The following TEX52 variants were observed in gnomAD, a reference collection of about 807,000 sequenced individuals.
TEX52 encodes testis-expressed protein 52.
In TEX52, 22 loss-of-function variants were observed where a neutral mutation model predicts 17.6. That is an observed-to-expected ratio of 1.25 (90% confidence interval 0.89 to 1.78). TEX52 has a LOEUF of 1.78. Ranked by LOEUF, TEX52 falls within the 40% of genes most tolerant of loss-of-function variation. The probability of loss-of-function intolerance (pLI) is 0.00; values close to 1 mark genes in which losing one functional copy is unlikely to be tolerated. For synonymous variants in TEX52, 168 were observed against 147.4 expected (o/e 1.14, Z -1.01); for missense variants, 396 against 372.3 (o/e 1.06, Z -0.52).
chr12:2,851,672 A>T (rs971485446), intron 2 of TEX52, among the ~76,000 whole-genome samples: 61 of 143,790 alleles, frequency 4.2e-4, no homozygotes, highest in African/African-American at 1.7e-3. Context: ...AATTTTATTT[A>T]TTTTTTTTAT....
Position 2,854,977 on chromosome 12 carries a change from T to A in TEX52, c.542A>T (p.Glu181Val). The A allele has an allele frequency of 6.5e-7, 1 of 1,536,256 alleles. No homozygotes were observed. Among genetic ancestry groups the A allele is most frequent in the Non-Finnish European group, 8.7e-7 (1 of 1,146,934 alleles). ...TGCCTCACTCCTCAACTTGAGCTTC[T>A]CCACCTCCTTCAACTCCTTCACTGT... ...FRTVKELKEV[E>V]KLKLRSEARA... The change falls in exon 2 of 3, where the codon GAG becomes GTG. Residue 181 changes from glutamate to valine, a missense_variant. Coordinates refer to ENST00000637658, the MANE Select transcript of TEX52 (RefSeq NM_001365174.2).
intron 1 of TEX52, among the ~76,000 whole-genome samples, chr12:2,856,341 G>A (rs1175921787): frequency 6.6e-6 from 1 of 152,110 alleles, no homozygotes; most frequent in Non-Finnish European, 1.5e-5. Context: ...CTTTTAAAAT[G>A]CTTCGCCCTC....
At chr12:2,855,585 G>A (rs2098084744) in intron 1 of TEX52, 139 bp from the exon 2 acceptor site, 2 of 572,126 alleles carry the variant, frequency 3.5e-6, no homozygotes, top group Non-Finnish European at 2.8e-6. Context: ...GTCCTGGCAG[G>A]GCCGCATCTC....
chr12:2,854,126 A>G (rs1490301281), intron 2 of TEX52, among the ~76,000 whole-genome samples: 2 of 152,218 alleles, frequency 1.3e-5, no homozygotes, highest in Non-Finnish European at 2.9e-5. Context: ...CCCAGGTTCA[A>G]GTGATTCTCC....
chr12:2,852,521 C>T (rs1010244168), intron 2 of TEX52, among the ~76,000 whole-genome samples: 2 of 152,162 alleles, frequency 1.3e-5, no homozygotes, highest in African/African-American at 4.8e-5. Flanking sequence ...CATGTGCCAC[C>T]ATGCCTGGCT....
Position 2,855,162 on chromosome 12 carries a change from A to T in TEX52, c.357T>A (p.Asn119Lys). The change falls in exon 2 of 3, where the codon AAT becomes AAA. Residue 119 changes from asparagine to lysine, a missense_variant. Transcript: ENST00000637658. Reference sequence around the variant, plus strand: ...TGGAGTCGGTCAGCCAGCGCCAGACATTGCTATCGTAGGGCCTGTCAGGCT... The same window carrying T: ...TGGAGTCGGTCAGCCAGCGCCAGACTTTGCTATCGTAGGGCCTGTCAGGCT... The part of the protein sequence containing the change: ...PTQPDRPYDS[N>K]VWRWLTDSNA... The T allele has an allele frequency of 1.3e-6, 2 of 1,523,126 alleles. No individual in the cohort carries two copies. The highest frequency in any genetic ancestry group is 1.8e-6 in the Non-Finnish European group (2 of 1,138,940). The allele number at this position is 1,523,126 out of a possible 1,614,324, so 94.4% of individuals were successfully genotyped here.
intron 2 of TEX52, among the ~76,000 whole-genome samples, chr12:2,851,333 G>T (rs1400829868): frequency 6.6e-6 from 1 of 152,042 alleles, no homozygotes; most frequent in East Asian, 1.9e-4. Flanking sequence ...ACATGATTTG[G>T]TGACACTAAA....
chr12:2,849,163 G>A lies in TEX52; in HGVS notation c.*68C>T. The A allele has an allele frequency of 6.9e-7, 1 of 1,444,492 alleles. No homozygotes were observed. The highest frequency in any genetic ancestry group is 9.1e-7 in the Non-Finnish European group (1 of 1,096,320). The allele number at this position is 1,444,492 out of a possible 1,614,324, so 89.5% of individuals were successfully genotyped here. ...TGCTACCCCAGGGCCTCTTGCTGAA[G>A]GAGCATTGATTGAGAACACTGGAGC... is the stretch of plus-strand genomic sequence containing the variant. On this transcript the variant is annotated 3_prime_UTR_variant, in exon 3 of 3. Transcript: ENST00000637658.
chr12:2,852,096 A>G (rs1435559011), intron 2 of TEX52, among the ~76,000 whole-genome samples: 2 of 152,132 alleles, frequency 1.3e-5, no homozygotes, highest in African/African-American at 4.8e-5. Flanking sequence ...GCTGTGGTAT[A>G]TGTGGTCTGT....
At chr12:2,848,071 A>G (rs763650587), downstream of TEX52, among the ~76,000 whole-genome samples, 1 of 152,232 alleles carries the variant, frequency 6.6e-6, no homozygotes, top group East Asian at 1.9e-4. Flanking sequence ...CAGGTGAGGA[A>G]CCTGAAAGCC....
intron 2 of TEX52, among the ~76,000 whole-genome samples, chr12:2,851,925 C>T (rs949009097): frequency 1.2e-4 from 18 of 151,316 alleles, no homozygotes; most frequent in East Asian, 3.9e-4. Flanking sequence ...GTGATCTGCC[C>T]GCCTCAACCT....
intron 1 of TEX52, among the ~76,000 whole-genome samples, chr12:2,856,473 C>G (rs2098087697): frequency 6.6e-6 from 1 of 152,192 alleles, no homozygotes; most frequent in African/African-American, 2.4e-5. Context: ...TCAAGTGATT[C>G]TCCTGCCTCA....
chr12:2,855,170 C>T lies in TEX52; in HGVS notation c.349G>A (p.Asp117Asn), dbSNP rs926304579. 1.2e-5 allele frequency: 18 copies of T among 1,517,222 alleles called. No homozygotes were observed. The highest frequency in any genetic ancestry group is 4.1e-5 in the African/African-American group (3 of 72,568). The allele number at this position is 1,517,222 out of a possible 1,614,324, so 94.0% of individuals were successfully genotyped here. Residue 117 changes from aspartate to asparagine, a missense_variant, in exon 2 of 3, where the codon GAT (aspartate) becomes AAT (asparagine). By Grantham distance (23) the Asp-to-Asn change is conservative. Coordinates refer to ENST00000637658, the MANE Select transcript of TEX52 (RefSeq NM_001365174.2). ...GTCAGCCAGCGCCAGACATTGCTAT[C>T]GTAGGGCCTGTCAGGCTGGGTGGGG... ...TFPTQPDRPY[D>N]SNVWRWLTDS...
intron 1 of TEX52, among the ~76,000 whole-genome samples, chr12:2,855,975 T>G (rs150718020): frequency 4.9e-4 from 74 of 152,164 alleles, no homozygotes; most frequent in African/African-American, 1.7e-3. Context: ...GACGCTTTCC[T>G]CCCACTCCTC....
downstream of TEX52, among the ~76,000 whole-genome samples, chr12:2,848,622 C>T (rs988088460): frequency 2.0e-5 from 3 of 152,158 alleles, no homozygotes; most frequent in African/African-American, 4.8e-5. Flanking sequence ...CATTCTCCAG[C>T]ACCAGCCCTG....
intron 2 of TEX52, among the ~76,000 whole-genome samples, chr12:2,854,544 A>C (rs1339312232): frequency 1.3e-5 from 2 of 151,542 alleles, no homozygotes; most frequent in African/African-American, 4.9e-5. Context: ...CTTCCTTACA[A>C]CACCCCCTGT....
chr12:2,853,458 A>T (rs951444582), intron 2 of TEX52, among the ~76,000 whole-genome samples: 4 of 151,944 alleles, frequency 2.6e-5, no homozygotes, highest in Non-Finnish European at 5.9e-5. Flanking sequence ...TTTTTAGTAG[A>T]GACGGGGTTT....
chr12:2,855,578 C>T, intron 1 of TEX52, 132 bp from the exon 2 acceptor site: 1 of 618,532 alleles, frequency 1.6e-6, no homozygotes, highest in Non-Finnish European at 2.5e-6. Flanking sequence ...CGCAGAAGTC[C>T]TGGCAGGGCC....
chr12:2,853,947 C>A (rs1353421215), intron 2 of TEX52, among the ~76,000 whole-genome samples: 5 of 152,202 alleles, frequency 3.3e-5, no homozygotes, highest in Admixed American at 2.6e-4. Flanking sequence ...CCCCATGAGG[C>A]CTTCCTGTGG....
Sources: allele counts gnomAD v4.1 joint callset (sites outside exome capture counted in the v4.1 genomes callset), GRCh38; gene constraint gnomAD v4.1.1; transcripts MANE v1.5; gene names NCBI Gene and HGNC (gene_info 2026-07-23, HGNC 2026-07-21).